The following RUSC1 variants were observed in gnomAD, a reference collection of about 807,000 sequenced individuals.
The protein encoded by RUSC1 is AP-4 complex accessory subunit RUSC1.
A neutral mutation model predicts 72.1 loss-of-function variants in RUSC1; 40 were observed. The observed-to-expected ratio is 0.55, with a 90% CI of 0.43 to 0.72. The LOEUF (loss-of-function observed/expected upper bound fraction) is 0.72, where lower values mean the gene tolerates loss of function less well. RUSC1 is among the 30% of genes least tolerant of loss of function. RUSC1 has a pLI of 0.00. For missense variants in RUSC1, 1,092 were observed against 1,172.3 expected, an observed-to-expected ratio of 0.93 and a Z score of 1.00; for synonymous variants, 512 against 494.2, an observed-to-expected ratio of 1.04 and a Z score of -0.48.
rs369963890 is a variant in RUSC1, at chr1:155,322,652, G to T, written c.879G>T (p.Gly293=). ...ITDSGSKTDA[G]KIDGGWRSDV... ...ATTCTGGCTCGAAAACAGATGCAGG[G>T]AAAATTGATGGAGGATGGAGAAGTG... Residue 293 remains glycine, a synonymous_variant, in exon 2 of 10, where the codon GGG becomes GGT. Transcript: ENST00000368352. The T allele has an allele frequency of 6.2e-7, 1 of 1,614,142 alleles. No homozygotes were observed. The highest frequency in any genetic ancestry group is 1.3e-5 in the African/African-American group (1 of 74,948).
chr1:155,321,161 G>A, intron 1 of RUSC1, 170 bp downstream of exon 1: 1 of 1,375,332 alleles, frequency 7.3e-7, no homozygotes, highest in Non-Finnish European at 9.7e-7. Flanking sequence ...GAGGGCGCAG[G>A]CTGGAGCCCG....
In RUSC1 at chr1:155,322,231, G is replaced by T; in HGVS notation, c.458G>T (p.Gly153Val). The T allele has an allele frequency of 1.2e-6, 2 of 1,612,926 alleles. No homozygotes were observed. Among genetic ancestry groups the T allele is most frequent in the South Asian group, 1.1e-5 (1 of 90,952 alleles). ...TCCCCACTGGCTTCAGCAGGCCCTG[G>T]CACCTGCTCACCGGACAGCTTCTGC... Reference protein sequence around the residue: ...QGSPLASAGPGTCSPDSFCCS... With the variant: ...QGSPLASAGPVTCSPDSFCCS... The change falls in exon 2 of 10, where the codon GGC (glycine) becomes GTC (valine). Residue 153 changes from glycine (G) to valine (V), a missense_variant. Coordinates refer to ENST00000368352, the MANE Select transcript of RUSC1 (RefSeq NM_001105203.2).
Position 155,322,417 on chromosome 1 carries a change from C to G in RUSC1, c.644C>G (p.Ala215Gly). The G allele has an allele frequency of 6.2e-7, 1 of 1,614,092 alleles. No individual in the cohort carries two copies. Among genetic ancestry groups the G allele is most frequent in the Non-Finnish European group, 8.5e-7 (1 of 1,179,994 alleles). Residue 215 changes from alanine (A) to glycine (G), a missense_variant, in exon 2 of 10, where the codon GCG (alanine) becomes GGG (glycine). Coordinates refer to ENST00000368352, the MANE Select transcript of RUSC1 (RefSeq NM_001105203.2). ...CTCCCTACCTCTGAGCTCTTAGAGG[C>G]GGATGATGGGAAAATCGACGCTGGG... is the stretch of plus-strand genomic sequence containing the variant. The part of the protein sequence containing the change: ...QDLPTSELLE[A>G]DDGKIDAGKT...
At position 155,330,811 on chromosome 1, in the gene RUSC1, T is replaced by G; in HGVS notation, c.*240T>G. ...CCCTCCAGGTAATCCCTTTCCTTTT[T>G]CCCGTCTATATAAGGGAATGTCTTC... On this transcript the variant is annotated 3_prime_UTR_variant, in exon 10 of 10. Coordinates refer to ENST00000368352, the MANE Select transcript of RUSC1 (RefSeq NM_001105203.2). The G allele has an allele frequency of 2.3e-6, 1 of 438,214 alleles. No individual in the cohort carries two copies. The highest frequency in any genetic ancestry group is 4.1e-6 in the Non-Finnish European group (1 of 245,324). 27.1% of individuals were successfully genotyped at this position (438,214 alleles called of 1,614,324 possible).
At chr1:155,321,012 G>C (rs895528084) in intron 1 of RUSC1, 21 bp downstream of exon 1, 1 of 1,500,914 alleles carries the variant, frequency 6.7e-7, no homozygotes. Flanking sequence ...CTCGGCCCAT[G>C]GGTGTAGACC....
Position 155,325,925 on chromosome 1 carries a change from T to A in RUSC1, c.1861+15T>A. On this transcript the variant is annotated intron_variant, in intron 7 of 9. Coordinates refer to ENST00000368352, the MANE Select transcript of RUSC1 (RefSeq NM_001105203.2). The surrounding 1 kb of genome is among the most constrained non-coding windows in gnomAD (Gnocchi z 6.5). ...GGAAGATGCAGGTCAGAGGTTCAGA[T>A]GGTAGAGGATGGGGCTGATGGGCTG... The A allele has an allele frequency of 1.2e-6, 2 of 1,613,708 alleles. No homozygotes were observed. The highest frequency in any genetic ancestry group is 1.7e-6 in the Non-Finnish European group (2 of 1,179,602).
chr1:155,329,952 A>G (rs1651840468), intron 9 of RUSC1, among the ~76,000 whole-genome samples: 6 of 142,718 alleles, frequency 4.2e-5, no homozygotes, highest in Admixed American at 4.1e-4. Flanking sequence ...CTCTGTCTCA[A>G]GAAAAAAAAA....
chr1:155,327,601 TG>T (rs969458913), intron 8 of RUSC1, among the ~76,000 whole-genome samples: 1 of 152,166 alleles, frequency 6.6e-6, no homozygotes, highest in Non-Finnish European at 1.5e-5. Context: ...AAAAACAGCC[TG>T]GGCAACATGG....
Position 155,322,941 on chromosome 1 carries a change from C to G in RUSC1, c.1168C>G (p.Pro390Ala). Residue 390 changes from proline (P) to alanine (A), a missense_variant, in exon 2 of 10, where the codon CCC becomes GCC. Coordinates refer to ENST00000368352, the MANE Select transcript of RUSC1 (RefSeq NM_001105203.2). ...APAPPVPPRDPPVGWALVPPR... is the reference protein window; with the variant it reads ...APAPPVPPRDAPVGWALVPPR... ...AGCCCCGCCAGTCCCGCCTCGAGACCCCCCAGTTGGCTGGGCTTTGGTCCC... is the reference window on the plus strand; with the variant it reads ...AGCCCCGCCAGTCCCGCCTCGAGACGCCCCAGTTGGCTGGGCTTTGGTCCC... 6.3e-7 allele frequency: 1 copy of G among 1,596,672 alleles called. No homozygotes were observed. Among genetic ancestry groups the G allele is most frequent in the Middle Eastern group, 1.8e-4 (1 of 5,552 alleles).
Position 155,327,569 on chromosome 1 carries a change from T to C in RUSC1, c.2414+437T>C, listed in dbSNP as rs566756980. 2.0e-5 allele frequency among the ~76,000 whole-genome samples: 3 copies of C among 152,322 alleles called. 1 individual carries two copies. In the East Asian group the frequency reaches 5.8e-4, roughly 29 times the overall value. On this transcript the variant is annotated intron_variant, in intron 8 of 9. Transcript: ENST00000368352. ...TTGTTTAAGGGTCAACTGTATTTACTATCTGGTCGTTTAGAAAAATGAAAA... is the reference window on the plus strand; with the variant it reads ...TTGTTTAAGGGTCAACTGTATTTACCATCTGGTCGTTTAGAAAAATGAAAA...
chr1:155,323,515 G>A, intron 2 of RUSC1: 1 of 160,060 alleles, frequency 6.2e-6, no homozygotes, highest in Non-Finnish European at 1.4e-5. Context: ...GGCTCCTCTG[G>A]CCGGGTGGCC....
Position 155,322,116 on chromosome 1 carries a change from G to T in RUSC1, c.343G>T (p.Asp115Tyr). ...CAGCTCCTGCTCAGATCTTAGCCCC[G>T]ATGAGTCCCCTGTCTCAGTCTACTT... ...SLSSCSDLSP[D>Y]ESPVSVYLRD... The change falls in exon 2 of 10, where the codon GAT becomes TAT. Residue 115 changes from aspartate (D) to tyrosine (Y), a missense_variant. Coordinates refer to ENST00000368352, the MANE Select transcript of RUSC1 (RefSeq NM_001105203.2). 1.9e-6 allele frequency: 3 copies of T among 1,611,138 alleles called. No homozygotes were observed. Among genetic ancestry groups the T allele is most frequent in the Non-Finnish European group, 2.5e-6 (3 of 1,178,136 alleles).
Position 155,323,139 on chromosome 1 carries a change from T to C in RUSC1, c.1357+9T>C. 1 of 1,400,290 alleles carries C rather than the reference T, an allele frequency of 7.1e-7. No individual in the cohort carries two copies. Among genetic ancestry groups the C allele is most frequent in the African/African-American group, 1.5e-5 (1 of 66,340 alleles). The allele number at this position is 1,400,290 out of a possible 1,614,324, so 86.7% of individuals were successfully genotyped here. On this transcript the variant is annotated intron_variant, in intron 2 of 9. Coordinates refer to ENST00000368352, the MANE Select transcript of RUSC1 (RefSeq NM_001105203.2). ...GCAGGCCGGCCTGGAGGGTAAGAGG[T>C]CGCAAGAAGCGGGAGGAGGGCTGGG...
At chr1:155,324,395 CCTGT>C (rs1214994900) in intron 2 of RUSC1, 18 of 1,612,890 alleles carry the variant, frequency 1.1e-5, no homozygotes, top group Non-Finnish European at 1.2e-5. Flanking sequence ...CTCCCTTTCC[CCTGT>C]CTGTCTTTCC....
chr1:155,321,626 T>C (rs1372401617), intron 1 of RUSC1, 62 bp from the exon 2 acceptor site: 1 of 1,264,822 alleles, frequency 7.9e-7, no homozygotes, highest in Non-Finnish European at 1.1e-6. Flanking sequence ...TCAAGTCACC[T>C]CGGTGTCCTT....
chr1:155,324,809 G>A, intron 2 of RUSC1, 36 bp from the exon 3 acceptor site: 1 of 1,614,148 alleles, frequency 6.2e-7, no homozygotes, highest in East Asian at 2.2e-5. Context: ...AATAACACTT[G>A]GTAAGTGTTA....
intron 8 of RUSC1, 90 bp from the exon 9 acceptor site, chr1:155,328,060 G>C: frequency 6.7e-7 from 1 of 1,497,946 alleles, no homozygotes; most frequent in South Asian, 1.4e-5. Context: ...ACCACAATTA[G>C]GCCCCTTAGC....
At chr1:155,321,650 G>A in intron 1 of RUSC1, 38 bp from the exon 2 acceptor site, 1 of 1,378,772 alleles carries the variant, frequency 7.3e-7, no homozygotes, top group Non-Finnish European at 1.0e-6. Flanking sequence ...CGCAGCTCTT[G>A]TCCTCACTGG....
Position 155,322,394 on chromosome 1 carries a change from C to T in RUSC1, c.621C>T (p.Leu207=), listed in dbSNP as rs1308818708. Residue 207 remains leucine (L), a synonymous_variant, in exon 2 of 10, where the codon CTC becomes CTT. Transcript: ENST00000368352. ...EEEDERAEQD[L]PTSELLEADD... ...AGGACGAGAGGGCGGAGCAGGATCT[C>T]CCTACCTCTGAGCTCTTAGAGGCGG... The T allele has an allele frequency of 1.2e-6, 2 of 1,614,150 alleles. No individual in the cohort carries two copies. Among genetic ancestry groups the T allele is most frequent in the Admixed American group, 3.3e-5 (2 of 60,022 alleles).
Sources: gnomAD v4.1 joint callset for allele counts (sites outside exome capture counted in the v4.1 genomes callset) on GRCh38, gnomAD v4.1.1 for gene constraint, Gnocchi (gnomAD v3.1) non-coding constraint, MANE v1.5 for transcripts, NCBI Gene and HGNC (gene_info 2026-07-23, HGNC 2026-07-21) for gene names.